MACROD2: variants seen among roughly 807,000 people sequenced by gnomAD.
The protein encoded by MACROD2 is ADP-ribose glycohydrolase MACROD2.
In MACROD2, 36 loss-of-function variants were observed where a neutral mutation model predicts 70.4. That is an observed-to-expected ratio of 0.51 (90% CI 0.39 to 0.68). The LOEUF is 0.68. Among genes scored for constraint, MACROD2 ranks in the 30% least tolerant of loss-of-function variants. MACROD2 has a pLI of 0.00. For synonymous variants in MACROD2, 172 were observed against 178.8 expected (o/e 0.96, Z 0.30); for missense variants, 496 against 538.4 (o/e 0.92, Z 0.78).
intron 6 of MACROD2, among the ~76,000 whole-genome samples, chr20:15,331,085 A>G (rs1311981168): frequency 2.7e-5 from 4 of 148,324 alleles, no homozygotes; most frequent in African/African-American, 1.0e-4. Context: ...GTTAATATTT[A>G]ATTGTCTAAG....
intron 2 of MACROD2, chr20:14,051,771 G>C (rs1601162208): frequency 4.4e-6 from 2 of 452,398 alleles, no homozygotes; most frequent in East Asian, 1.4e-4. Context: ...ATTAGTATCA[G>C]AATAGTAACA....
chr20:15,352,513 T>C (rs1241997104), intron 6 of MACROD2, among the ~76,000 whole-genome samples: 1 of 152,150 alleles, frequency 6.6e-6, no homozygotes, highest in East Asian at 1.9e-4. Context: ...GTGAAAAATT[T>C]AACTTCAGAA....
intron 3 of MACROD2, among the ~76,000 whole-genome samples, chr20:14,246,956 C>G (rs922792284): frequency 6.6e-6 from 1 of 152,054 alleles, no homozygotes; most frequent in South Asian, 2.1e-4. Context: ...CAGTCTTAAC[C>G]CTACTTGATT....
intron 3 of MACROD2, among the ~76,000 whole-genome samples, chr20:14,488,761 G>T (rs557918052): frequency 8.5e-5 from 13 of 152,148 alleles, no homozygotes; most frequent in African/African-American, 3.1e-4. Flanking sequence ...AAAATAAAGG[G>T]GTTGGACCAA....
intron 8 of MACROD2, among the ~76,000 whole-genome samples, chr20:15,859,852 A>T (rs1487186428): frequency 6.6e-6 from 1 of 151,978 alleles, no homozygotes; most frequent in Non-Finnish European, 1.5e-5. Context: ...TAAAAGGCAG[A>T]TTATAGTTCC....
chr20:15,296,659 T>G (rs772864449), intron 6 of MACROD2, among the ~76,000 whole-genome samples: 3 of 152,228 alleles, frequency 2.0e-5, no homozygotes, highest in African/African-American at 4.8e-5. Context: ...CATACCTGAC[T>G]GCTAGAGGGT....
intron 5 of MACROD2, among the ~76,000 whole-genome samples, chr20:14,691,571 T>C (rs1442991860): frequency 6.6e-6 from 1 of 152,198 alleles, no homozygotes; most frequent in African/African-American, 2.4e-5. Flanking sequence ...TTGTTCCTTG[T>C]TTCCTCCAGT....
chr20:15,127,260 A>G (rs75581287), intron 5 of MACROD2, among the ~76,000 whole-genome samples: 10,026 of 152,142 alleles, frequency 0.066, 374 homozygotes, highest in Middle Eastern at 0.16. Flanking sequence ...AATGCTAGAA[A>G]GAAGACAGTA....
intron 5 of MACROD2, among the ~76,000 whole-genome samples, chr20:15,094,067 T>C (rs2075811439): frequency 6.6e-6 from 1 of 152,184 alleles, no homozygotes; most frequent in African/African-American, 2.4e-5. Context: ...GTATCGTATA[T>C]GTCAAAATGA....
At chr20:14,267,029 A>G (rs1469967243) in intron 3 of MACROD2, among the ~76,000 whole-genome samples, 2 of 152,166 alleles carry the variant, frequency 1.3e-5, no homozygotes, top group Admixed American at 6.5e-5. Context: ...TAGCTAAAAT[A>G]TCTATTAATT....
chr20:15,098,807 T>C (rs1191141553), intron 5 of MACROD2, among the ~76,000 whole-genome samples: 1 of 152,186 alleles, frequency 6.6e-6, no homozygotes, highest in Admixed American at 6.5e-5. Flanking sequence ...ATGTTTCCCC[T>C]TTGGGGGGAA....
chr20:14,107,656 C>T (rs370344466), intron 3 of MACROD2, among the ~76,000 whole-genome samples: 12 of 150,970 alleles, frequency 7.9e-5, no homozygotes, highest in African/African-American at 2.9e-4. Context: ...AAACATATAA[C>T]ATAAAATGGC....
chr20:15,031,005 C>G (rs1420913273), intron 5 of MACROD2, among the ~76,000 whole-genome samples: 2 of 152,222 alleles, frequency 1.3e-5, no homozygotes, highest in Non-Finnish European at 2.9e-5. Flanking sequence ...GATCCCACAC[C>G]TGCCAAGGGT....
intron 4 of MACROD2, among the ~76,000 whole-genome samples, chr20:14,682,034 T>G (rs150050197): frequency 6.6e-6 from 1 of 152,290 alleles, no homozygotes; most frequent in Non-Finnish European, 1.5e-5. Flanking sequence ...GCTGTAGTTA[T>G]TATTATTAAA....
At chr20:14,231,151 A>G (rs2122205379) in intron 3 of MACROD2, among the ~76,000 whole-genome samples, 1 of 151,100 alleles carries the variant, frequency 6.6e-6, no homozygotes, top group East Asian at 2.0e-4. Flanking sequence ...TTTTTTTTAA[A>G]TTATACTTTA....
intron 15 of MACROD2, among the ~76,000 whole-genome samples, chr20:16,027,283 T>G (rs1265060781): frequency 6.6e-6 from 1 of 151,984 alleles, no homozygotes; most frequent in Non-Finnish European, 1.5e-5. Flanking sequence ...CAAGATTATT[T>G]CTTGGATGCA....
intron 4 of MACROD2, among the ~76,000 whole-genome samples, chr20:14,569,317 C>T (rs1014843269): frequency 6.6e-6 from 1 of 151,872 alleles, no homozygotes; most frequent in Non-Finnish European, 1.5e-5. Context: ...AATTGTATTT[C>T]TTCTCTTAAA....
At chr20:14,646,916 T>C (rs1276014825) in intron 4 of MACROD2, among the ~76,000 whole-genome samples, 1 of 152,112 alleles carries the variant, frequency 6.6e-6, no homozygotes, top group Non-Finnish European at 1.5e-5. Context: ...GCTTCATGCA[T>C]ATAAATATGT....
intron 5 of MACROD2, among the ~76,000 whole-genome samples, chr20:14,788,453 G>C: frequency 6.6e-6 from 1 of 151,714 alleles, no homozygotes; most frequent in East Asian, 1.9e-4. Flanking sequence ...AGGTGTGATG[G>C]TGTGCACCTG....
Sources: gnomAD v4.1 joint callset for allele counts (sites outside exome capture counted in the v4.1 genomes callset) on GRCh38, gnomAD v4.1.1 for gene constraint, MANE v1.5 for transcripts, NCBI Gene and HGNC (gene_info 2026-07-23, HGNC 2026-07-21) for gene names.